Variants in ZBTB49 observed in about 807,000 individuals in gnomAD.
ZBTB49 encodes zinc finger and BTB domain-containing protein 49.
Under a neutral mutation model 57.5 loss-of-function variants are expected in ZBTB49, and 43 were observed. The ratio of observed to expected loss-of-function variants is 0.75; its 90% CI spans 0.59 to 0.97. The LOEUF is 0.97. Ranked by LOEUF, ZBTB49 falls within the 50% of genes least tolerant of loss-of-function variation. ZBTB49 has a pLI of 0.00. For missense variants in ZBTB49, 938 were observed against 947.7 expected, an observed-to-expected ratio of 0.99 and a Z score of 0.13; for synonymous variants, 369 against 362.1, an observed-to-expected ratio of 1.02 and a Z score of -0.22.
chr4:4,309,890 T>G (rs1433651889), intron 4 of ZBTB49, among the ~76,000 whole-genome samples: 1 of 152,266 alleles, frequency 6.6e-6, no homozygotes, highest in Non-Finnish European at 1.5e-5. Flanking sequence ...TATCTCTATG[T>G]TAAACCTTAC....
At chr4:4,305,644 G>T (rs1480776640) in intron 3 of ZBTB49, among the ~76,000 whole-genome samples, 2 of 152,218 alleles carry the variant, frequency 1.3e-5, no homozygotes, top group African/African-American at 2.4e-5. Flanking sequence ...AACCAAGGCA[G>T]GAAGACTGTG....
At chr4:4,304,929 G>A (rs1425871755) in intron 3 of ZBTB49, among the ~76,000 whole-genome samples, 2 of 65,432 alleles carry the variant, frequency 3.1e-5, no homozygotes, top group African/African-American at 1.3e-4. Flanking sequence ...AAGCTCTTTA[G>A]GACCTCAATT....
At chr4:4,294,357 A>G (rs1720087082) in intron 1 of ZBTB49, among the ~76,000 whole-genome samples, 1 of 152,068 alleles carries the variant, frequency 6.6e-6, no homozygotes, top group Non-Finnish European at 1.5e-5. Context: ...GATATGGAAT[A>G]ATAATAATTA....
intron 5 of ZBTB49, among the ~76,000 whole-genome samples, chr4:4,315,164 C>T (rs1192357506): frequency 1.3e-5 from 2 of 152,298 alleles, no homozygotes; most frequent in Admixed American, 1.3e-4. Context: ...CCTGGCTAGA[C>T]CAGGGCAGAA....
chr4:4,321,415 C>T lies in ZBTB49; in HGVS notation c.*99C>T. ...GTTTCCCCATGACAGTGCCTTCTAA[C>T]TAGCCAGAGAATAGGTAGCTTCCCT... is the stretch of plus-strand genomic sequence containing the variant. On this transcript the variant is annotated 3_prime_UTR_variant, in exon 8 of 8. Transcript: ENST00000337872. 2 of 1,241,926 alleles carry T rather than the reference C, an allele frequency of 1.6e-6. No homozygotes were observed. Among genetic ancestry groups the T allele is most frequent in the African/African-American group, 1.5e-5 (1 of 66,422 alleles). 76.9% of individuals were successfully genotyped at this position (1,241,926 alleles called of 1,614,324 possible).
At chr4:4,293,198 A>G (rs1865330) in intron 1 of ZBTB49, among the ~76,000 whole-genome samples, 35,284 of 152,080 alleles carry the variant, frequency 0.23, 4,956 homozygotes, top group Admixed American at 0.32. Flanking sequence ...GTTCAATAAG[A>G]CAGATGGAGT....
chr4:4,318,566 C>T (rs1368706724), intron 7 of ZBTB49, among the ~76,000 whole-genome samples: 1 of 152,134 alleles, frequency 6.6e-6, no homozygotes, highest in African/African-American at 2.4e-5. Flanking sequence ...CGAGATCGTG[C>T]CACTGCATTC....
chr4:4,299,183 A>G (rs1720362528), intron 1 of ZBTB49, among the ~76,000 whole-genome samples: 1 of 152,076 alleles, frequency 6.6e-6, no homozygotes, highest in African/African-American at 2.4e-5. Context: ...ACCTGAGCCC[A>G]GCAAGCTCCT....
chr4:4,299,776 G>GGGGTGT (rs1553803870), intron 1 of ZBTB49, among the ~76,000 whole-genome samples, 151 bp from the exon 2 acceptor site: 7 of 103,636 alleles, frequency 6.8e-5, no homozygotes, highest in African/African-American at 1.9e-4. Context: ...CAGAAACAGA[G>GGGGTGT]GTGTGTGTGT....
chr4:4,306,004 C>T (rs749741021), intron 3 of ZBTB49, 134 bp from the exon 4 acceptor site: 9 of 644,204 alleles, frequency 1.4e-5, no homozygotes, highest in Non-Finnish European at 2.5e-5. Context: ...AGGAAGTAGA[C>T]ACTCCCTATT....
rs1241770747 is a variant in ZBTB49, at chr4:4,315,713, G to A, written c.1454G>A (p.Gly485Asp). 5 of 1,613,890 alleles carry A rather than the reference G, an allele frequency of 3.1e-6. No homozygotes were observed. Among genetic ancestry groups the A allele is most frequent in the Non-Finnish European group, 4.2e-6 (5 of 1,180,040 alleles). Residue 485 changes from glycine (G) to aspartate (D), a missense_variant, in exon 6 of 8, where the codon GGT becomes GAT. By Grantham distance (94) the Gly-to-Asp change is moderately conservative. Transcript: ENST00000337872. ...GEKPHLCDICGRGFSNFSNLK... is the reference protein window; with the variant it reads ...GEKPHLCDICDRGFSNFSNLK... ...AAACCACACTTGTGTGACATCTGTGGTCGAGGTACAGCTGAGTGTTTTCCT... is the reference window on the plus strand; with the variant it reads ...AAACCACACTTGTGTGACATCTGTGATCGAGGTACAGCTGAGTGTTTTCCT...
At position 4,294,387 on chromosome 4, in the gene ZBTB49, C is replaced by T. The variant is rs552012538; in HGVS notation, c.-20+4035C>T. ...TAATTATTATTTTGAGATGGAGTCT[C>T]GTTCTGTTGCCCAGGCTGGAGTGCA... On this transcript the variant is annotated intron_variant, in intron 1 of 7. Coordinates refer to ENST00000337872, the MANE Select transcript of ZBTB49 (RefSeq NM_145291.4). 1.6e-3 allele frequency among the ~76,000 whole-genome samples: 244 copies of T among 152,192 alleles called. 1 individual carries two copies. The highest frequency in any genetic ancestry group is 5.1e-3 in the African/African-American group (213 of 41,510).
rs1720398200 is a variant in ZBTB49, at chr4:4,299,834, G to A, written c.-19-93G>A. ...GTGAGAGAGAAACTGTGATGAGAGAGTGAAGCACAGATCAATCAGTAAGTT... is the reference window on the plus strand; with the variant it reads ...GTGAGAGAGAAACTGTGATGAGAGAATGAAGCACAGATCAATCAGTAAGTT... On this transcript the variant is annotated intron_variant, in intron 1 of 7. Transcript: ENST00000337872. 9 of 1,147,560 alleles carry A rather than the reference G, an allele frequency of 7.8e-6. No homozygotes were observed. In the Admixed American group the frequency reaches 1.6e-4, roughly 20 times the overall value. The allele number at this position is 1,147,560 out of a possible 1,614,324, so 71.1% of individuals were successfully genotyped here.
rs2920207 is a variant in ZBTB49 at position 4,310,755 on chromosome 4, A to G, written c.1303-2286A>G. On this transcript the variant is annotated intron_variant, in intron 4 of 7. Coordinates refer to ENST00000337872, the MANE Select transcript of ZBTB49 (RefSeq NM_145291.4). ...AGGATGGTCTCGATCTCCTGATCTC[A>G]TGATCCACCTGCCTCAGCCTCCCAA... Among the ~76,000 whole-genome samples, 527 of 150,426 alleles carry G rather than the reference A, an allele frequency of 3.5e-3. 3 individuals are homozygous for G. Among genetic ancestry groups the G allele is most frequent in the African/African-American group, 0.012 (497 of 40,838 alleles).
intron 4 of ZBTB49, among the ~76,000 whole-genome samples, chr4:4,310,110 T>C (rs944145362): frequency 1.3e-5 from 2 of 152,222 alleles, no homozygotes; most frequent in Non-Finnish European, 2.9e-5. Context: ...GAGGTTCAAG[T>C]ACCTGTCAGA....
chr4:4,318,688 C>T (rs1313498105), intron 7 of ZBTB49, among the ~76,000 whole-genome samples: 2 of 152,192 alleles, frequency 1.3e-5, no homozygotes, highest in Non-Finnish European at 1.5e-5. Context: ...CCGTGTGCAG[C>T]AGTGAAGCTT....
Position 4,321,661 on chromosome 4 carries a change from A to G in ZBTB49, c.*345A>G, listed in dbSNP as rs1721423745. 4.3e-6 allele frequency: 1 copy of G among 232,494 alleles called. No homozygotes were observed. Among genetic ancestry groups the G allele is most frequent in the African/African-American group, 2.3e-5 (1 of 43,494 alleles). 14.4% of individuals were successfully genotyped at this position (232,494 alleles called of 1,614,324 possible). Reference sequence around the variant, plus strand: ...AAAGGAATTATATATGTATAGTATTACAAGTATTTTTGCATTTTTACAAGA... The same window carrying G: ...AAAGGAATTATATATGTATAGTATTGCAAGTATTTTTGCATTTTTACAAGA... On this transcript the variant is annotated 3_prime_UTR_variant, in exon 8 of 8. Transcript: ENST00000337872.
chr4:4,290,763 A>G (rs1305942997), intron 1 of ZBTB49, among the ~76,000 whole-genome samples: 1 of 152,214 alleles, frequency 6.6e-6, no homozygotes. Flanking sequence ...AGTAGCGCTT[A>G]AGACGACAGA....
chr4:4,317,665 C>A (rs1721243777), intron 7 of ZBTB49, among the ~76,000 whole-genome samples: 1 of 151,952 alleles, frequency 6.6e-6, no homozygotes, highest in African/African-American at 2.4e-5. Flanking sequence ...GGTGTGTTTC[C>A]ATTTTCTTGG....
Sources: allele counts gnomAD v4.1 joint callset (sites outside exome capture counted in the v4.1 genomes callset), GRCh38; gene constraint gnomAD v4.1.1; transcripts MANE v1.5; gene names NCBI Gene and HGNC (gene_info 2026-07-23, HGNC 2026-07-21).